TRAF6: variants seen among roughly 807,000 people sequenced by gnomAD.
The protein encoded by TRAF6 is TNF receptor-associated factor 6.
TRAF6 carries 10 observed loss-of-function variants against 48.4 expected under a neutral mutation model. That is an observed-to-expected ratio of 0.21 (90% CI 0.13 to 0.35). TRAF6 has a LOEUF of 0.35. TRAF6 is among the 10% of genes least tolerant of loss of function. The pLI is 1.00. For missense variants in TRAF6, 397 were observed against 661.0 expected (o/e 0.60, Z 4.38); for synonymous variants, 186 against 219.6 (o/e 0.85, Z 1.35).
Position 36,495,161 on chromosome 11 carries a change from T to C in TRAF6, c.607-114A>G, listed in dbSNP as rs186899736. The C allele has an allele frequency of 1.3e-5, 9 of 713,676 alleles. No homozygotes were observed. The Admixed American group carries it at 2.2e-4, about 18-fold the overall frequency. 44.2% of individuals were successfully genotyped at this position (713,676 alleles called of 1,614,324 possible). A position where few individuals can be genotyped will look rare whatever the true frequency, so the allele number is the denominator to read the frequency against. ...ATAAACAAATAAGGACATCAATTTG[T>C]ACAAAGCAAAAGTGAGTGAAAGTGA... On this transcript the variant is annotated intron_variant, in intron 4 of 6. Coordinates refer to ENST00000526995, the MANE Select transcript of TRAF6 (RefSeq NM_004620.4).
rs927468365 is a variant in TRAF6, at chr11:36,488,695, C to T, written c.*1143G>A. ...TCTACAGGATCCTTCTCAGAACCTG[C>T]AGTTGTTAGGCTACAGCAACATACT... On this transcript the variant is annotated 3_prime_UTR_variant, in exon 7 of 7. Coordinates refer to ENST00000526995, the MANE Select transcript of TRAF6 (RefSeq NM_004620.4). 4 of 152,294 alleles carry T rather than the reference C, an allele frequency of 2.6e-5. No individual in the cohort carries two copies. In the East Asian group the frequency reaches 7.7e-4, roughly 29 times the overall value. 9.4% of individuals were successfully genotyped at this position (152,294 alleles called of 1,614,324 possible).
intron 3 of TRAF6, among the ~76,000 whole-genome samples, chr11:36,497,927 C>A (rs1308594876): frequency 6.6e-6 from 1 of 151,186 alleles, no homozygotes; most frequent in East Asian, 1.9e-4. Flanking sequence ...CTCTGTCGCC[C>A]AGGCTGGAGT....
chr11:36,495,800 G>A (rs1216861038), intron 4 of TRAF6, among the ~76,000 whole-genome samples: 1 of 152,132 alleles, frequency 6.6e-6, no homozygotes, highest in Non-Finnish European at 1.5e-5. Context: ...GCTGAGGCAG[G>A]AGAATCGCTT....
chr11:36,498,422 G>A (rs1859669354), intron 3 of TRAF6, 68 bp downstream of exon 3: 2 of 1,463,018 alleles, frequency 1.4e-6, no homozygotes, highest in Admixed American at 4.3e-5. Flanking sequence ...GATGGACACA[G>A]CAAAGTCCCT....
chr11:36,489,463 A>AGT lies in TRAF6; in HGVS notation c.*374_*375insAC. ...TACATATAATACTACAAAAAGACTG[A>AGT]AGTTTTAAGGAAAATCCATTATTAT... On this transcript the variant is annotated 3_prime_UTR_variant, in exon 7 of 7. Coordinates refer to ENST00000526995, the MANE Select transcript of TRAF6 (RefSeq NM_004620.4). The AGT allele has an allele frequency of 5.1e-6, 1 of 197,780 alleles. No individual in the cohort carries two copies. The allele number at this position is 197,780 out of a possible 1,614,324, so 12.3% of individuals were successfully genotyped here.
At chr11:36,508,524 G>T (rs1859840721) in intron 1 of TRAF6, among the ~76,000 whole-genome samples, 1 of 152,016 alleles carries the variant, frequency 6.6e-6, no homozygotes, top group Non-Finnish European at 1.5e-5. Flanking sequence ...TGCTAAGGAG[G>T]TATGTGCCAA....
intron 1 of TRAF6, among the ~76,000 whole-genome samples, chr11:36,508,184 C>A (rs565561375): frequency 2.0e-5 from 3 of 152,052 alleles, no homozygotes; most frequent in African/African-American, 7.2e-5. Context: ...AGTATACTTA[C>A]GTGGCTTTCT....
At chr11:36,492,129 C>T (rs895037015) in intron 6 of TRAF6, among the ~76,000 whole-genome samples, 35 of 152,174 alleles carry the variant, frequency 2.3e-4, no homozygotes, top group African/African-American at 8.4e-4. Context: ...TGACGGTCAT[C>T]GCCATAATTC....
At chr11:36,503,295 G>GTTTTT (rs781252455) in intron 1 of TRAF6, among the ~76,000 whole-genome samples, 1 of 139,388 alleles carries the variant, frequency 7.2e-6, no homozygotes, top group Admixed American at 7.2e-5. Flanking sequence ...GTTTACTTAA[G>GTTTTT]TTTTTTTTTT....
At chr11:36,507,734 T>TAC (rs1859823447) in intron 1 of TRAF6, among the ~76,000 whole-genome samples, 7 of 134,680 alleles carry the variant, frequency 5.2e-5, no homozygotes, top group African/African-American at 1.9e-4. Context: ...TATATATGTA[T>TAC]ATATACACAT....
intron 4 of TRAF6, among the ~76,000 whole-genome samples, chr11:36,495,954 C>T (rs1419438990): frequency 2.6e-5 from 4 of 152,106 alleles, no homozygotes; most frequent in Non-Finnish European, 5.9e-5. Context: ...GACTTCTCTA[C>T]ATTTATACCA....
chr11:36,490,643 C>T lies in TRAF6; in HGVS notation c.764G>A (p.Arg255Lys). The change falls in exon 7 of 7, where the codon AGG (arginine) becomes AAG (lysine). Residue 255 changes from arginine to lysine, a missense_variant. Around this residue, in one of 4 missense-constraint regions of TRAF6, gnomAD observed 245 missense variants for 349.1 expected, o/e 0.70. Transcript: ENST00000526995. This position sits in a 1 kb window ranked among gnomAD's most constrained non-coding sequence, Gnocchi z 6.4. Reference protein sequence around the residue: ...STFGCHEKMQRNHLARHLQEN... With the variant: ...STFGCHEKMQKNHLARHLQEN... Reference sequence around the variant, plus strand: ...TTGTAGGTGGCGTGCCAAGTGATTCCTCTGCATCTAAAAATCAAGCACAAG... The same window carrying T: ...TTGTAGGTGGCGTGCCAAGTGATTCTTCTGCATCTAAAAATCAAGCACAAG... 1 of 1,606,024 alleles carries T rather than the reference C, an allele frequency of 6.2e-7. No individual in the cohort carries two copies. Among genetic ancestry groups the T allele is most frequent in the Non-Finnish European group, 8.5e-7 (1 of 1,174,194 alleles).
Position 36,485,519 on chromosome 11 carries a change from C to T in TRAF6, c.*4319G>A, listed in dbSNP as rs892447721. ...AGACAGTAAGAGCAGAGGCACATGC[C>T]CCAACTTCCCCATCTTAAAGGCAGG... On this transcript the variant is annotated 3_prime_UTR_variant, in exon 7 of 7. Coordinates refer to ENST00000526995, the MANE Select transcript of TRAF6 (RefSeq NM_004620.4). Among the ~76,000 whole-genome samples, 1 of 152,074 alleles carries T rather than the reference C, an allele frequency of 6.6e-6. No individual in the cohort carries two copies. The highest frequency in any genetic ancestry group is 1.5e-5 in the Non-Finnish European group (1 of 68,046).
At chr11:36,494,892 ATTGAT>A (rs985814069) in intron 5 of TRAF6, 79 bp downstream of exon 5, 1 of 983,326 alleles carries the variant, frequency 1.0e-6, no homozygotes, top group Non-Finnish European at 1.5e-6. Context: ...TCTTTGCCTT[ATTGAT>A]TTAAATTTTC....
At chr11:36,507,834 A>ATG (rs1859826943) in intron 1 of TRAF6, among the ~76,000 whole-genome samples, 1 of 146,974 alleles carries the variant, frequency 6.8e-6, no homozygotes, top group Non-Finnish European at 1.5e-5. Context: ...TATTTTATAT[A>ATG]TGTGTATATA....
Position 36,485,223 on chromosome 11 carries a change from A to T in TRAF6, c.*4615T>A, listed in dbSNP as rs12281100. On this transcript the variant is annotated 3_prime_UTR_variant, in exon 7 of 7. Transcript: ENST00000526995. ...GCTGAAGAAAAAAAGCAAAAAAAGT[A>T]ACATCTGCGCCTTACCATCTAAAAT... Among the ~76,000 whole-genome samples the T allele has an allele frequency of 1.3e-5, 2 of 152,148 alleles. No homozygotes were observed. The highest frequency in any genetic ancestry group is 2.9e-5 in the Non-Finnish European group (2 of 68,032).
At chr11:36,505,771 A>G (rs1859776397) in intron 1 of TRAF6, among the ~76,000 whole-genome samples, 2 of 152,170 alleles carry the variant, frequency 1.3e-5, no homozygotes, top group Non-Finnish European at 2.9e-5. Context: ...GGTTTACTTG[A>G]ACACTTAGAG....
rs138649565 is a variant in TRAF6, at chr11:36,483,777, T to C, written c.*6061A>G. 4.9e-4 allele frequency among the ~76,000 whole-genome samples: 74 copies of C among 152,166 alleles called. No homozygotes were observed. Among genetic ancestry groups the C allele is most frequent in the Non-Finnish European group, 8.2e-4 (56 of 67,984 alleles). ...CCACTTGGACTATCATATTTTAATATATATATTTCATTTTAATGAAGAGTG... is the reference window on the plus strand; with the variant it reads ...CCACTTGGACTATCATATTTTAATACATATATTTCATTTTAATGAAGAGTG... On this transcript the variant is annotated 3_prime_UTR_variant, in exon 7 of 7. Transcript: ENST00000526995.
rs193138550 is a variant in TRAF6, at chr11:36,484,251, C to T, written c.*5587G>A. Among the ~76,000 whole-genome samples the T allele has an allele frequency of 6.6e-6, 1 of 152,206 alleles. No individual in the cohort carries two copies. The highest frequency in any genetic ancestry group is 6.5e-5 in the Admixed American group (1 of 15,278). ...ATTCCTTTAATCCCTTCCTTCAATA[C>T]AACCTGCTCTTAAAACTGAACACTG... On this transcript the variant is annotated 3_prime_UTR_variant, in exon 7 of 7. Transcript: ENST00000526995.
Sources: allele counts gnomAD v4.1 joint callset (sites outside exome capture counted in the v4.1 genomes callset), GRCh38; gene constraint gnomAD v4.1.1; regional missense constraint gnomAD v4.1.1; non-coding constraint Gnocchi (gnomAD v3.1); transcripts MANE v1.5; gene names NCBI Gene and HGNC (gene_info 2026-07-23, HGNC 2026-07-21).